The following MALRD1 variants were observed in gnomAD, a reference collection of about 807,000 sequenced individuals.
The protein encoded by MALRD1 is MAM and LDL-receptor class A domain-containing protein 1.
Under a neutral mutation model 242.1 loss-of-function variants are expected in MALRD1, and 247 were observed. That is an observed-to-expected ratio of 1.02 (90% CI 0.92 to 1.13). MALRD1 has a LOEUF of 1.13. MALRD1 is among the 50% of genes most tolerant of loss of function. The pLI is 0.00. For missense variants in MALRD1, 2,989 were observed against 2,533.1 expected, an observed-to-expected ratio of 1.18 and a Z score of -3.86; for synonymous variants, 995 against 866.6, an observed-to-expected ratio of 1.15 and a Z score of -2.60.
At chr10:19,676,405 G>T (rs1842141344) in intron 36 of MALRD1, among the ~76,000 whole-genome samples, 1 of 152,182 alleles carries the variant, frequency 6.6e-6, no homozygotes, top group African/African-American at 2.4e-5. Context: ...TGATGGGACA[G>T]TCATGACTAA....
chr10:19,719,246 ATATATATATATATG>A (rs1834625022), intron 38 of MALRD1, among the ~76,000 whole-genome samples: 1 of 134,438 alleles, frequency 7.4e-6, no homozygotes, highest in African/African-American at 2.8e-5. Flanking sequence ...ATATATATAT[ATATATATATATATG>A]CTATCAAATA....
chr10:19,551,891 T>A (rs927709187), intron 32 of MALRD1, among the ~76,000 whole-genome samples: 3 of 152,146 alleles, frequency 2.0e-5, no homozygotes, highest in Admixed American at 6.6e-5. Flanking sequence ...ATGAATCACA[T>A]TTATTGATTT....
At chr10:19,477,770 A>G (rs1462657269) in intron 29 of MALRD1, among the ~76,000 whole-genome samples, 1 of 152,142 alleles carries the variant, frequency 6.6e-6, no homozygotes, top group Non-Finnish European at 1.5e-5. Flanking sequence ...GGCCCAAGAG[A>G]TTGGTCGGAC....
At chr10:19,478,155 C>T (rs1402118905) in intron 29 of MALRD1, among the ~76,000 whole-genome samples, 1 of 152,212 alleles carries the variant, frequency 6.6e-6, no homozygotes, top group Non-Finnish European at 1.5e-5. Context: ...AACTCTATCA[C>T]ACAGTATAGC....
chr10:19,064,928 C>A (rs535325492), intron 1 of MALRD1, among the ~76,000 whole-genome samples: 17 of 151,844 alleles, frequency 1.1e-4, no homozygotes, highest in Middle Eastern at 3.4e-3. Context: ...GCAGTTATAC[C>A]CATTGTTATT....
intron 26 of MALRD1, among the ~76,000 whole-genome samples, chr10:19,368,668 T>A (rs1287846882): frequency 6.6e-6 from 1 of 152,016 alleles, no homozygotes; most frequent in African/African-American, 2.4e-5. Context: ...TTGATATTTT[T>A]ATAGAAATTG....
intron 36 of MALRD1, among the ~76,000 whole-genome samples, chr10:19,663,868 C>T (rs1841555247): frequency 6.6e-6 from 1 of 152,020 alleles, no homozygotes; most frequent in African/African-American, 2.4e-5. Flanking sequence ...GCTGGGCTAG[C>T]TTTGACCAGT....
rs572827499 is a variant in MALRD1 at position 19,461,404 on chromosome 10, A to C, written c.5029+10914A>C. Among the ~76,000 whole-genome samples, 9 of 152,312 alleles carry C rather than the reference A, an allele frequency of 5.9e-5. No individual in the cohort carries two copies. In the East Asian group the frequency reaches 1.7e-3, roughly 29 times the overall value. On this transcript the variant is annotated intron_variant, in intron 29 of 39. Transcript: ENST00000454679. Reference sequence around the variant, plus strand: ...TGGTCTTTTAGTCTTTGTACATTCTAATGATAATTTCTTGGAAATCTCTAT... The same window carrying C: ...TGGTCTTTTAGTCTTTGTACATTCTCATGATAATTTCTTGGAAATCTCTAT...
chr10:19,313,869 T>C (rs944501310), intron 21 of MALRD1, among the ~76,000 whole-genome samples: 12 of 151,554 alleles, frequency 7.9e-5, no homozygotes, highest in African/African-American at 2.7e-4. Flanking sequence ...ACCTTTGTTA[T>C]TGAATTTTTT....
rs148030450 is a variant in MALRD1 at position 19,297,079 on chromosome 10, A to G, written c.3419+13898A>G. 4.8e-3 allele frequency among the ~76,000 whole-genome samples: 718 copies of G among 150,420 alleles called. 9 individuals are homozygous for G. The highest frequency in any genetic ancestry group is 0.046 in the South Asian group (223 of 4,802). On this transcript the variant is annotated intron_variant, in intron 21 of 39. Coordinates refer to ENST00000454679, the MANE Select transcript of MALRD1 (RefSeq NM_001142308.3). ...GCCTCAACTCTTTTCTCTTGGTATTATCTTTATTTATATATAAATATATAT... is the reference window on the plus strand; with the variant it reads ...GCCTCAACTCTTTTCTCTTGGTATTGTCTTTATTTATATATAAATATATAT...
intron 14 of MALRD1, among the ~76,000 whole-genome samples, chr10:19,186,663 G>A (rs1269786500): frequency 6.6e-5 from 10 of 152,204 alleles, no homozygotes; most frequent in Non-Finnish European, 2.9e-5. Flanking sequence ...TGTGGAGAGA[G>A]TGGATTTTTT....
intron 24 of MALRD1, among the ~76,000 whole-genome samples, chr10:19,335,564 G>A (rs1304711779): frequency 1.3e-5 from 2 of 152,048 alleles, no homozygotes; most frequent in African/African-American, 4.8e-5. Flanking sequence ...AATATTAAAA[G>A]AATCACCATA....
intron 38 of MALRD1, among the ~76,000 whole-genome samples, chr10:19,714,146 CT>C (rs1834270063): frequency 6.6e-6 from 1 of 152,198 alleles, no homozygotes; most frequent in African/African-American, 2.4e-5. Context: ...AGACAGAGGG[CT>C]TTCTGTTTCC....
intron 38 of MALRD1, among the ~76,000 whole-genome samples, chr10:19,726,946 A>G (rs376613170): frequency 2.4e-4 from 37 of 152,286 alleles, no homozygotes; most frequent in African/African-American, 7.9e-4. Context: ...TTGGAGGGGA[A>G]TGGGGTGTTA....
rs1431687695 is a variant in MALRD1, at chr10:19,351,879, A to T, written c.4150-127A>T. On this transcript the variant is annotated intron_variant, in intron 25 of 39. Transcript: ENST00000454679. The stretch of plus-strand genomic sequence containing the variant: ...GTTAAAGTGCAGACAGAGCAAGAGA[A>T]TAAACAGGTGTAATTTTCCTCCAGA... 5 of 885,456 alleles carry T rather than the reference A, an allele frequency of 5.6e-6. No individual in the cohort carries two copies. The African/African-American group carries it at 6.8e-5, about 12-fold the overall frequency. 54.8% of individuals were successfully genotyped at this position (885,456 alleles called of 1,614,324 possible). A position where few individuals can be genotyped will look rare whatever the true frequency, so the allele number is the denominator to read the frequency against.
At chr10:19,047,727 C>T (rs531165411), upstream of MALRD1, among the ~76,000 whole-genome samples, 1 of 151,962 alleles carries the variant, frequency 6.6e-6, no homozygotes, top group South Asian at 2.1e-4. Context: ...GATTCCTGTC[C>T]CCCTGCCCCC....
At chr10:19,593,574 T>C (rs896370433) in intron 33 of MALRD1, among the ~76,000 whole-genome samples, 3 of 152,174 alleles carry the variant, frequency 2.0e-5, no homozygotes, top group Non-Finnish European at 4.4e-5. Flanking sequence ...TCCCTTAATA[T>C]ATTGATGAGT....
intron 14 of MALRD1, among the ~76,000 whole-genome samples, chr10:19,192,981 A>T (rs1389832249): frequency 6.6e-6 from 1 of 151,918 alleles, no homozygotes; most frequent in Non-Finnish European, 1.5e-5. Context: ...GATTTTTGGC[A>T]GTTTGGCTAG....
At chr10:19,121,856 G>A (rs767405342) in intron 5 of MALRD1, among the ~76,000 whole-genome samples, 3 of 152,166 alleles carry the variant, frequency 2.0e-5, no homozygotes, top group Non-Finnish European at 4.4e-5. Context: ...AATGACAATA[G>A]GGAAGGAAGA....
Sources: allele counts gnomAD v4.1 joint callset (sites outside exome capture counted in the v4.1 genomes callset), GRCh38; gene constraint gnomAD v4.1.1; transcripts MANE v1.5; gene names NCBI Gene and HGNC (gene_info 2026-07-23, HGNC 2026-07-21).